Variants in MYZAP observed in about 807,000 individuals in gnomAD.
MYZAP encodes myocardial zonula adherens protein, also known as GRINL1A complex locus upstream.
Under a neutral mutation model 69.4 loss-of-function variants are expected in MYZAP, and 66 were observed. The ratio of observed to expected loss-of-function variants is 0.95; its 90% CI spans 0.78 to 1.17. MYZAP has a LOEUF of 1.17. Ranked by LOEUF, MYZAP falls within the 50% of genes most tolerant of loss-of-function variation. MYZAP has a pLI of 0.00. For synonymous variants in MYZAP, 256 were observed against 205.9 expected (o/e 1.24, Z -2.09); for missense variants, 611 against 556.2 (o/e 1.10, Z -0.99).
intron 10 of MYZAP, among the ~76,000 whole-genome samples, chr15:57,652,175 C>A (rs980301599): frequency 1.3e-5 from 2 of 152,064 alleles, no homozygotes; most frequent in African/African-American, 4.8e-5. Flanking sequence ...TCCCTCCATT[C>A]CTTCATTGAT....
At chr15:57,653,637 G>A (rs1318444446) in intron 10 of MYZAP, among the ~76,000 whole-genome samples, 2 of 152,046 alleles carry the variant, frequency 1.3e-5, no homozygotes, top group East Asian at 1.9e-4. Context: ...ATGCAATTGA[G>A]GGCTTCACCT....
At chr15:57,598,254 G>A (rs1391940409) in intron 1 of MYZAP, among the ~76,000 whole-genome samples, 1 of 152,136 alleles carries the variant, frequency 6.6e-6, no homozygotes. Flanking sequence ...AGCTCCCCAG[G>A]GGCCCTGAGT....
intron 9 of MYZAP, 111 bp from the exon 10 acceptor site, chr15:57,639,329 G>T: frequency 8.5e-7 from 1 of 1,173,818 alleles, no homozygotes; most frequent in East Asian, 2.6e-5. Context: ...TTACAGGCAT[G>T]AGCCGCCATG....
rs575859249 is a variant in MYZAP, at chr15:57,599,061, A to G, written c.76-5208A>G. On this transcript the variant is annotated intron_variant, in intron 1 of 12. Coordinates refer to ENST00000267853, the MANE Select transcript of MYZAP (RefSeq NM_001018100.5). ...TTAATGCGTGCCAGAAATTGTCCTA[A>G]GCTCTTTACACACATTAGCTAATTT... 2.0e-5 allele frequency among the ~76,000 whole-genome samples: 3 copies of G among 152,306 alleles called. No homozygotes were observed. In the East Asian group the frequency reaches 5.8e-4, roughly 29 times the overall value.
At chr15:57,626,824 C>T (rs2036164411) in intron 5 of MYZAP, among the ~76,000 whole-genome samples, 1 of 152,214 alleles carries the variant, frequency 6.6e-6, no homozygotes, top group South Asian at 2.1e-4. Context: ...CAGGGCTCGG[C>T]CACTGTCCTG....
chr15:57,667,038 G>A (rs968760005), intron 11 of MYZAP, among the ~76,000 whole-genome samples: 6 of 151,910 alleles, frequency 3.9e-5, no homozygotes, highest in South Asian at 2.1e-4. Context: ...TTTCTCTGTC[G>A]GATATACTAC....
chr15:57,668,720 C>G (rs1405606696), intron 11 of MYZAP, among the ~76,000 whole-genome samples: 1 of 151,620 alleles, frequency 6.6e-6, no homozygotes, highest in African/African-American at 2.4e-5. Context: ...ATCTTTAGTC[C>G]GTTGTTTTAT....
chr15:57,667,523 C>G (rs1377543344), intron 11 of MYZAP, among the ~76,000 whole-genome samples: 1 of 152,152 alleles, frequency 6.6e-6, no homozygotes, highest in Admixed American at 6.5e-5. Context: ...GTAGCACAGT[C>G]CAGGCAGCAG....
At chr15:57,616,799 G>A (rs1422919194) in intron 2 of MYZAP, among the ~76,000 whole-genome samples, 3 of 102,422 alleles carry the variant, frequency 2.9e-5, no homozygotes, top group African/African-American at 1.1e-4. Context: ...GACAGAGTGA[G>A]ACTCCATCTA....
chr15:57,591,915 A>C lies in MYZAP; in HGVS notation c.-120A>C, dbSNP rs1227205326. 1.6e-5 allele frequency: 14 copies of C among 891,874 alleles called. No individual in the cohort carries two copies. Among genetic ancestry groups the C allele is most frequent in the African/African-American group, 7.2e-5 (4 of 55,894 alleles). The allele number at this position is 891,874 out of a possible 1,614,324, so 55.2% of individuals were successfully genotyped here. A position where few individuals can be genotyped will look rare whatever the true frequency, so the allele number is the denominator to read the frequency against. ...CCCCACCCCCGGGCCTTCGCGGTGC[A>C]GCTGAGGCTGCAAGTAGCCGGCGCC... On this transcript the variant is annotated 5_prime_UTR_variant, in exon 1 of 13. Transcript: ENST00000267853.
intron 10 of MYZAP, among the ~76,000 whole-genome samples, chr15:57,643,234 C>T (rs879420783): frequency 1.2e-4 from 19 of 152,160 alleles, no homozygotes; most frequent in Admixed American, 1.2e-3. Flanking sequence ...CAGCAGATAC[C>T]CACCAGCACC....
At chr15:57,683,621 A>G (rs1442720955) in intron 12 of MYZAP, among the ~76,000 whole-genome samples, 1 of 152,192 alleles carries the variant, frequency 6.6e-6, no homozygotes, top group African/African-American at 2.4e-5. Context: ...ACCATAAACT[A>G]GTTAGCTTAT....
At chr15:57,610,237 A>G (rs962664426) in intron 2 of MYZAP, among the ~76,000 whole-genome samples, 5 of 152,224 alleles carry the variant, frequency 3.3e-5, no homozygotes, top group African/African-American at 1.2e-4. Context: ...ATGCGTGGGT[A>G]TGGATGTAGA....
intron 10 of MYZAP, among the ~76,000 whole-genome samples, chr15:57,660,669 T>C (rs1197268155): frequency 6.6e-6 from 1 of 152,104 alleles, no homozygotes; most frequent in Middle Eastern, 3.2e-3. Flanking sequence ...TATACAGGAT[T>C]TTTGGAAAGT....
intron 10 of MYZAP, chr15:57,646,201 GC>G: frequency 1.6e-6 from 2 of 1,289,344 alleles, no homozygotes; most frequent in South Asian, 2.5e-5. Context: ...TAAGTTGGTA[GC>G]CTGCTCTGGG....
chr15:57,621,060 A>ATT (rs2035775238), intron 3 of MYZAP, among the ~76,000 whole-genome samples: 1 of 147,880 alleles, frequency 6.8e-6, no homozygotes, highest in Non-Finnish European at 1.5e-5. Context: ...ATGTATATAA[A>ATT]ATATATACAT....
chr15:57,626,522 T>G (rs1324298377), intron 5 of MYZAP, among the ~76,000 whole-genome samples: 1 of 152,178 alleles, frequency 6.6e-6, no homozygotes, highest in Non-Finnish European at 1.5e-5. Flanking sequence ...ATTCTTACTC[T>G]TACAAGTCCC....
At chr15:57,646,193 A>T in intron 10 of MYZAP, 1 of 1,289,354 alleles carries the variant, frequency 7.8e-7, no homozygotes, top group Non-Finnish European at 1.0e-6. Context: ...GAAGATGATA[A>T]GTTGGTAGCC....
intron 10 of MYZAP, among the ~76,000 whole-genome samples, chr15:57,645,136 A>T (rs1014079047): frequency 6.6e-6 from 1 of 152,248 alleles, no homozygotes; most frequent in Non-Finnish European, 1.5e-5. Context: ...ATTAGCAATG[A>T]CCACTTCTCA....
Sources: gnomAD v4.1 joint callset for allele counts (sites outside exome capture counted in the v4.1 genomes callset) on GRCh38, gnomAD v4.1.1 for gene constraint, MANE v1.5 for transcripts, NCBI Gene and HGNC (gene_info 2026-07-23, HGNC 2026-07-21) for gene names.